The following ALDH5A1 variants were observed in gnomAD, a reference collection of about 807,000 sequenced individuals.
ALDH5A1 encodes the protein aldehyde dehydrogenase 5 family member A1, also known as succinate-semialdehyde dehydrogenase, mitochondrial.
ALDH5A1 carries 33 observed loss-of-function variants against 54.7 expected under a neutral mutation model. The ratio of observed to expected loss-of-function variants is 0.60; its 90% CI spans 0.46 to 0.81. ALDH5A1 has a LOEUF of 0.81. ALDH5A1 is among the 30% of genes least tolerant of loss of function. ALDH5A1 has a pLI of 0.00. For missense variants in ALDH5A1, 657 were observed against 711.0 expected (o/e 0.92, Z 0.86); for synonymous variants, 294 against 292.7 (o/e 1.00, Z -0.05).
chr6:24,507,206 C>T (rs1440397922), intron 4 of ALDH5A1, among the ~76,000 whole-genome samples: 1 of 152,152 alleles, frequency 6.6e-6, no homozygotes, highest in African/African-American at 2.4e-5. Flanking sequence ...TGATCCGAAC[C>T]TCAGTCTGTA....
chr6:24,520,359 A>G, intron 5 of ALDH5A1, 42 bp from the exon 6 acceptor site: 4 of 1,612,136 alleles, frequency 2.5e-6, no homozygotes, highest in Non-Finnish European at 1.7e-6. Flanking sequence ...CAATCCTGGT[A>G]ATGGATTTCT....
intron 7 of ALDH5A1, among the ~76,000 whole-genome samples, chr6:24,525,073 G>T (rs1759774907): frequency 1.3e-5 from 2 of 152,144 alleles, no homozygotes; most frequent in Admixed American, 6.5e-5. Context: ...AAATTTGGTG[G>T]AAACCACCTT....
rs1759246685 is a variant in ALDH5A1, at chr6:24,503,364, C to T, written c.540C>T (p.His180=). ...GCCGTGTTTACGGAGACATTATCCA[C>T]ACCCCGGCAAAGGACAGGCGGGCCC... ...EARRVYGDII[H]TPAKDRRALV... is the part of the protein sequence containing the mutation. The change falls in exon 3 of 10, where the codon CAC becomes CAT. Residue 180 remains histidine (H), a synonymous_variant. Coordinates refer to ENST00000357578, the MANE Select transcript of ALDH5A1 (RefSeq NM_001080.3). 3 of 1,614,112 alleles carry T rather than the reference C, an allele frequency of 1.9e-6. No homozygotes were observed. The highest frequency in any genetic ancestry group is 1.7e-6 in the Non-Finnish European group (2 of 1,180,032).
Position 24,528,111 on chromosome 6 carries a change from C to T in ALDH5A1, c.1288C>T (p.Gln430Ter). 1 of 1,614,082 alleles carries T rather than the reference C, an allele frequency of 6.2e-7. No individual in the cohort carries two copies. The change falls in exon 8 of 10, where the codon CAG becomes TAG. Residue 430 changes from glutamine (Q) to a stop codon, truncating the protein, a stop_gained. Transcript: ENST00000357578. LOFTEE classifies it high-confidence loss of function. The part of the protein sequence containing the change: ...FEPTLLCNVT[Q>*]DMLCTHEETF... ...GCCTACCCTGCTGTGCAATGTCACC[C>T]AGGACATGCTGTGCACTCATGAAGA...
intron 4 of ALDH5A1, among the ~76,000 whole-genome samples, chr6:24,510,555 T>C (rs1394159215): frequency 6.6e-6 from 1 of 152,230 alleles, no homozygotes; most frequent in Non-Finnish European, 1.5e-5. Flanking sequence ...CAATATATAA[T>C]GTCCCTCTCT....
chr6:24,501,368 T>C (rs1424097323), intron 1 of ALDH5A1, among the ~76,000 whole-genome samples: 3 of 152,182 alleles, frequency 2.0e-5, no homozygotes, highest in Non-Finnish European at 2.9e-5. Context: ...CTGAATCAAC[T>C]TGATGGAAGG....
chr6:24,520,438 T>A lies in ALDH5A1; in HGVS notation c.908T>A (p.Val303Asp). The change falls in exon 6 of 10, where the codon GTC becomes GAC. Residue 303 changes from valine to aspartate, a missense_variant. Transcript: ENST00000357578. ...CACGCAGCAAACTCTGTGAAAAGGG[T>A]CTCTATGGAGCTGGGCGGCCTTGCT... ...LHHAANSVKR[V>D]SMELGGLAPF... 6.2e-7 allele frequency: 1 copy of A among 1,614,096 alleles called. No individual in the cohort carries two copies. Among genetic ancestry groups the A allele is most frequent in the Non-Finnish European group, 8.5e-7 (1 of 1,180,022 alleles).
chr6:24,497,567 G>C (rs1286879279), intron 1 of ALDH5A1, among the ~76,000 whole-genome samples: 1 of 152,156 alleles, frequency 6.6e-6, no homozygotes, highest in Non-Finnish European at 1.5e-5. Flanking sequence ...CCTCTTGTAA[G>C]ACAGAAAAGT....
At position 24,504,924 on chromosome 6, in the gene ALDH5A1, G is replaced by T; in HGVS notation, c.665G>T (p.Gly222Val). Residue 222 changes from glycine (G) to valine (V), a missense_variant, in exon 4 of 10, where the codon GGC (glycine) becomes GTC (valine). Around this residue, in one of 2 missense-constraint regions of ALDH5A1, gnomAD observed 425 missense variants for 516.4 expected, o/e 0.82. Transcript: ENST00000357578. Reference protein sequence around the residue: ...TRKVGAALAAGCTVVVKPAED... With the variant: ...TRKVGAALAAVCTVVVKPAED... ...AAGGTGGGGGCCGCCCTGGCAGCCG[G>T]CTGTACTGTCGTGGTGAAGCCTGCC... 3 of 1,614,216 alleles carry T rather than the reference G, an allele frequency of 1.9e-6. No homozygotes were observed. The highest frequency in any genetic ancestry group is 2.5e-6 in the Non-Finnish European group (3 of 1,180,048).
At chr6:24,517,410 G>A (rs1161718828) in intron 5 of ALDH5A1, among the ~76,000 whole-genome samples, 1 of 152,178 alleles carries the variant, frequency 6.6e-6, no homozygotes, top group Non-Finnish European at 1.5e-5. Flanking sequence ...ATTCATAATA[G>A]AAATAGGAAT....
intron 4 of ALDH5A1, among the ~76,000 whole-genome samples, chr6:24,511,499 GA>G (rs763766643): frequency 1.8e-4 from 27 of 152,212 alleles, no homozygotes; most frequent in Non-Finnish European, 2.4e-4. Flanking sequence ...AGACTTCTTG[GA>G]AGCTTTGTTC....
intron 7 of ALDH5A1, among the ~76,000 whole-genome samples, chr6:24,523,985 G>GTT (rs36023125): frequency 0.15 from 17,032 of 113,252 alleles, 1,289 homozygotes; most frequent in Middle Eastern, 0.18. Context: ...AGTTTTTTGT[G>GTT]TTTTTTTTTT....
chr6:24,533,463 A>G (rs763855199), intron 9 of ALDH5A1, 44 bp from the exon 10 acceptor site: 12 of 1,601,336 alleles, frequency 7.5e-6, no homozygotes, highest in Middle Eastern at 1.7e-4. Context: ...GATGTCTTTA[A>G]TGACTCTTCT....
chr6:24,508,272 A>G (rs1759394553), intron 4 of ALDH5A1, among the ~76,000 whole-genome samples: 1 of 147,186 alleles, frequency 6.8e-6, no homozygotes, highest in African/African-American at 2.5e-5. Flanking sequence ...CTGAGGCAGG[A>G]GAATCACTTG....
chr6:24,533,685 C>A lies in ALDH5A1; in HGVS notation c.1581C>A (p.Leu527=). ...ATGGCATTGATGAGTATCTGGAACT[C>A]AAGTATGTGTGTTACGGGGGCTTGT... ...SKYGIDEYLE[L]KYVCYGGL The change falls in exon 10 of 10, where the codon CTC becomes CTA. Residue 527 remains leucine (L), a synonymous_variant. Coordinates refer to ENST00000357578, the MANE Select transcript of ALDH5A1 (RefSeq NM_001080.3). 6.2e-7 allele frequency: 1 copy of A among 1,614,008 alleles called. No homozygotes were observed. Among genetic ancestry groups the A allele is most frequent in the South Asian group, 1.1e-5 (1 of 91,058 alleles).
chr6:24,526,953 AAT>A lies in ALDH5A1; in HGVS notation c.1174-1033_1174-1032del, dbSNP rs1286713191. Among the ~76,000 whole-genome samples, 137 of 106,014 alleles carry A rather than the reference AAT, an allele frequency of 1.3e-3. 2 individuals are homozygous for A. Among genetic ancestry groups the A allele is most frequent in the African/African-American group, 5.0e-3 (94 of 18,922 alleles). The allele number at this position is 106,014 out of a possible 152,430, so 69.5% of individuals were successfully genotyped here. A position where few individuals can be genotyped will look rare whatever the true frequency, so the allele number is the denominator to read the frequency against. On this transcript the variant is annotated intron_variant, in intron 7 of 9. Transcript: ENST00000357578. The stretch of plus-strand genomic sequence containing the variant: ...TACTATATATTCTATATATATATCT[AAT>A]ATATATATATGTGTGTGTGTATATA...
At chr6:24,527,417 C>G (rs1759837896) in intron 7 of ALDH5A1, among the ~76,000 whole-genome samples, 1 of 151,924 alleles carries the variant, frequency 6.6e-6, no homozygotes. Context: ...TCTAAAAATA[C>G]AAAAATTAGC....
At position 24,522,770 on chromosome 6, in the gene ALDH5A1, T is replaced by TG; in HGVS notation, c.1019dup (p.Cys340TrpfsTer15). ...TTTGTTTTTGTCTCCTGTCCAGACT[T>TG]GTGTTTGCTCAAACCAATTCTTGGT... On this transcript the variant is annotated frameshift_variant, in exon 7 of 10. Transcript: ENST00000357578. LOFTEE classifies it high-confidence loss of function. 6.2e-7 allele frequency: 1 copy of TG among 1,613,826 alleles called. No homozygotes were observed. Among genetic ancestry groups the TG allele is most frequent in the Non-Finnish European group, 8.5e-7 (1 of 1,179,874 alleles).
chr6:24,531,834 A>G (rs1288774481), intron 8 of ALDH5A1, among the ~76,000 whole-genome samples: 1 of 151,654 alleles, frequency 6.6e-6, no homozygotes, highest in African/African-American at 2.4e-5. Flanking sequence ...TTTTAAAGGG[A>G]TTTTGTTTGA....
Sources: gnomAD v4.1 joint callset for allele counts (sites outside exome capture counted in the v4.1 genomes callset) on GRCh38, gnomAD v4.1.1 for gene constraint, gnomAD v4.1.1 regional missense constraint, MANE v1.5 for transcripts, NCBI Gene and HGNC (gene_info 2026-07-23, HGNC 2026-07-21) for gene names.